Variants in ARSG observed in about 807,000 individuals in gnomAD.
ARSG encodes the protein ASG.
ARSG carries 37 observed loss-of-function variants against 50.5 expected under a neutral mutation model. The observed-to-expected ratio is 0.73, with a 90% CI of 0.56 to 0.96. ARSG has a LOEUF of 0.96. Among genes scored for constraint, ARSG ranks in the 50% least tolerant of loss-of-function variants. The probability of loss-of-function intolerance (pLI) is 0.00; values close to 1 mark genes in which losing one functional copy is unlikely to be tolerated. For missense variants in ARSG, 629 were observed against 675.3 expected, an observed-to-expected ratio of 0.93 and a Z score of 0.76; for synonymous variants, 225 against 254.6, an observed-to-expected ratio of 0.88 and a Z score of 1.11.
At chr17:68,282,834 G>C (rs1373844042) in intron 1 of ARSG, among the ~76,000 whole-genome samples, 1 of 146,446 alleles carries the variant, frequency 6.8e-6, no homozygotes, top group Non-Finnish European at 1.5e-5. Context: ...TGTAACCCCA[G>C]CTACTTGGGA....
At chr17:68,394,291 A>C (rs1486458928) in intron 9 of ARSG, among the ~76,000 whole-genome samples, 2 of 152,162 alleles carry the variant, frequency 1.3e-5, no homozygotes, top group Non-Finnish European at 2.9e-5. Context: ...TACATTTGTG[A>C]GTGGAAGACA....
chr17:68,283,105 T>TGACA (rs2075749639), intron 1 of ARSG: 3 of 152,052 alleles, frequency 2.0e-5, no homozygotes, highest in African/African-American at 7.2e-5. Context: ...CTTGCCTGAA[T>TGACA]GACAGAGCAA....
rs1366417174 is a variant in ARSG, at chr17:68,356,758, G to A, written c.658G>A (p.Ala220Thr). 3 of 1,614,144 alleles carry A rather than the reference G, an allele frequency of 1.9e-6. No homozygotes were observed. Among genetic ancestry groups the A allele is most frequent in the Non-Finnish European group, 1.7e-6 (2 of 1,180,024 alleles). ...GCAGCCGGTGAACTTGAGCAGCCTT[G>A]CCCAGAAGTATGCTGAGAAAGCAAC... ...VEQPVNLSSL[A>T]QKYAEKATQF... Residue 220 changes from alanine (A) to threonine (T), a missense_variant, in exon 6 of 12, where the codon GCC (alanine) becomes ACC (threonine). Transcript: ENST00000621439.
downstream of ARSG, chr17:68,426,247 A>AGGG: frequency 1.1e-5 from 7 of 655,810 alleles, 2 homozygotes; most frequent in South Asian, 1.7e-5. Flanking sequence ...GCGGGTGGGG[A>AGGG]GCGGGGGCTC....
intron 2 of ARSG, among the ~76,000 whole-genome samples, chr17:68,308,786 A>G (rs1555765480): frequency 6.6e-6 from 1 of 152,224 alleles, no homozygotes; most frequent in Admixed American, 6.5e-5. Context: ...TGTATTTACA[A>G]TCCCTGAGCT....
At chr17:68,442,998 A>C in the ARSG span, among the ~76,000 whole-genome samples, 9 of 152,228 alleles carry the variant, frequency 5.9e-5, no homozygotes, top group African/African-American at 2.2e-4. Context: ...TACCACCCAC[A>C]GCTTCTTCAC....
intron 11 of ARSG, among the ~76,000 whole-genome samples, chr17:68,408,488 T>G (rs1009516827): frequency 1.4e-4 from 22 of 152,108 alleles, no homozygotes; most frequent in African/African-American, 4.8e-4. Flanking sequence ...TATTCCATGG[T>G]GTATATGGGC....
the ARSG span, among the ~76,000 whole-genome samples, chr17:68,444,061 T>C: frequency 6.6e-6 from 1 of 152,348 alleles, no homozygotes; most frequent in African/African-American, 2.4e-5. Flanking sequence ...TAAAACATAT[T>C]CTTTATGGTT....
intron 11 of ARSG, 145 bp downstream of exon 11, chr17:68,401,595 A>C: frequency 3.0e-6 from 2 of 656,042 alleles, no homozygotes; most frequent in South Asian, 2.0e-5. Context: ...TCTCCTCCAA[A>C]CCCAGGGTCC....
chr17:68,371,944 C>A (rs1038498404), intron 8 of ARSG, among the ~76,000 whole-genome samples: 2 of 152,064 alleles, frequency 1.3e-5, no homozygotes, highest in Non-Finnish European at 2.9e-5. Context: ...TCAAAAAAAT[C>A]TTGAAAGAGT....
chr17:68,280,863 C>T (rs1021601074), intron 1 of ARSG, among the ~76,000 whole-genome samples: 16 of 152,118 alleles, frequency 1.1e-4, no homozygotes, highest in African/African-American at 2.4e-4. Context: ...TAGTGTGTCA[C>T]GCTATAATCC....
At chr17:68,339,938 A>G (rs1359594957) in intron 2 of ARSG, among the ~76,000 whole-genome samples, 1 of 152,142 alleles carries the variant, frequency 6.6e-6, no homozygotes, top group Admixed American at 6.5e-5. Flanking sequence ...ATCATCAGCT[A>G]TTAGCTGGGG....
chr17:68,309,189 A>G (rs1568448321), intron 2 of ARSG, among the ~76,000 whole-genome samples: 1 of 152,226 alleles, frequency 6.6e-6, no homozygotes, highest in Non-Finnish European at 1.5e-5. Flanking sequence ...CCGCAGGGCC[A>G]GCTGGCTGCT....
chr17:68,286,179 A>G (rs1599562743), intron 1 of ARSG, among the ~76,000 whole-genome samples: 1 of 152,220 alleles, frequency 6.6e-6, no homozygotes, highest in African/African-American at 2.4e-5. Context: ...CATCATGAGA[A>G]GGCTCTGTCT....
chr17:68,326,031 G>GA (rs1307163206), intron 2 of ARSG, among the ~76,000 whole-genome samples: 1 of 152,174 alleles, frequency 6.6e-6, no homozygotes, highest in Non-Finnish European at 1.5e-5. Flanking sequence ...TGTTGGTGGA[G>GA]AAACAGCGTT....
At chr17:68,345,432 G>A (rs2078459039) in intron 3 of ARSG, among the ~76,000 whole-genome samples, 1 of 152,176 alleles carries the variant, frequency 6.6e-6, no homozygotes, top group Non-Finnish European at 1.5e-5. Flanking sequence ...TGACCTCACT[G>A]GCCCCTCCGT....
intron 9 of ARSG, among the ~76,000 whole-genome samples, chr17:68,390,199 G>C (rs577259858): frequency 2.0e-5 from 3 of 151,986 alleles, no homozygotes; most frequent in Admixed American, 6.6e-5. Flanking sequence ...TGTTGGCCAG[G>C]CTGGTCTCGA....
rs1164936155 is a variant in ARSG, at chr17:68,367,884, A to C, written c.705-664A>C. Among the ~76,000 whole-genome samples, 1 of 152,166 alleles carries C rather than the reference A, an allele frequency of 6.6e-6. No individual in the cohort carries two copies. The highest frequency in any genetic ancestry group is 2.4e-5 in the African/African-American group (1 of 41,444). Reference sequence around the variant, plus strand: ...TCAGGAGTTTGAGGCCAACCTAGCCAACGTAGCAAAACCCCATCTCTACTA... The same window carrying C: ...TCAGGAGTTTGAGGCCAACCTAGCCCACGTAGCAAAACCCCATCTCTACTA... On this transcript the variant is annotated intron_variant, in intron 6 of 11. Coordinates refer to ENST00000621439, the MANE Select transcript of ARSG (RefSeq NM_001267727.2). This position sits in a 1 kb window ranked among gnomAD's most constrained non-coding sequence, Gnocchi z 4.5.
At chr17:68,433,385 AAAG>A in the ARSG span, 6 of 1,259,822 alleles carry the variant, frequency 4.8e-6, no homozygotes, top group Non-Finnish European at 6.9e-6. Context: ...TTCAGAAAGA[AAAG>A]AGATCATTCA....
Sources: allele counts gnomAD v4.1 joint callset (sites outside exome capture counted in the v4.1 genomes callset), GRCh38; gene constraint gnomAD v4.1.1; non-coding constraint Gnocchi (gnomAD v3.1); transcripts MANE v1.5; gene names NCBI Gene and HGNC (gene_info 2026-07-23, HGNC 2026-07-21).